CDC20B: variants seen among roughly 807,000 people sequenced by gnomAD.
CDC20B encodes cell division cycle 20B.
In CDC20B, 58 loss-of-function variants were observed where a neutral mutation model predicts 64.1. The observed-to-expected ratio is 0.90, with a 90% CI of 0.73 to 1.13. The LOEUF (loss-of-function observed/expected upper bound fraction) is 1.13. Among genes scored for constraint, CDC20B ranks in the 50% most tolerant of loss-of-function variants. CDC20B has a pLI of 0.00. For synonymous variants in CDC20B, 243 were observed against 230.6 expected (o/e 1.05, Z -0.49); for missense variants, 597 against 633.0 (o/e 0.94, Z 0.61).
chr5:55,143,205 A>G (rs1743377084), intron 4 of CDC20B, among the ~76,000 whole-genome samples: 1 of 152,214 alleles, frequency 6.6e-6, no homozygotes, highest in Non-Finnish European at 1.5e-5. Flanking sequence ...GCTAAGAGGA[A>G]GCATACCGTA....
intron 9 of CDC20B, among the ~76,000 whole-genome samples, chr5:55,121,596 T>C (rs1742757927): frequency 6.6e-6 from 1 of 152,212 alleles, no homozygotes; most frequent in South Asian, 2.1e-4. Flanking sequence ...CATGTCTTTT[T>C]TTCTGACAAA....
intron 8 of CDC20B, among the ~76,000 whole-genome samples, chr5:55,127,045 A>G (rs545373248): frequency 6.6e-6 from 1 of 152,218 alleles, no homozygotes; most frequent in African/African-American, 2.4e-5. Flanking sequence ...TCCCATGCAG[A>G]AGGCACACAT....
chr5:55,119,127 C>A (rs1001164178), intron 11 of CDC20B, among the ~76,000 whole-genome samples: 5 of 152,198 alleles, frequency 3.3e-5, no homozygotes, highest in Admixed American at 6.5e-5. Flanking sequence ...GATATATAAT[C>A]AGAGTTCTAC....
intron 2 of CDC20B, among the ~76,000 whole-genome samples, chr5:55,169,935 A>C (rs1486008706): frequency 2.0e-5 from 3 of 152,168 alleles, no homozygotes; most frequent in African/African-American, 4.8e-5. Flanking sequence ...AACACGGTGA[A>C]ACCCCGTCTC....
At chr5:55,159,234 C>G (rs1222283406) in intron 2 of CDC20B, among the ~76,000 whole-genome samples, 2 of 152,176 alleles carry the variant, frequency 1.3e-5, no homozygotes, top group Non-Finnish European at 2.9e-5. Flanking sequence ...CCAAGTTGGT[C>G]TTGAACTCAT....
At chr5:55,172,052 C>A (rs1744615542) in intron 2 of CDC20B, among the ~76,000 whole-genome samples, 1 of 152,194 alleles carries the variant, frequency 6.6e-6, no homozygotes, top group Admixed American at 6.5e-5. Flanking sequence ...CAGATGAAGG[C>A]TCTTTATGAA....
At chr5:55,120,679 T>C (rs1742736284) in intron 9 of CDC20B, 129 bp from the exon 10 acceptor site, 3 of 1,090,634 alleles carry the variant, frequency 2.8e-6, no homozygotes, top group South Asian at 2.7e-5. Context: ...GCCTGCTATC[T>C]AAAGGCAGGA....
rs193059017 is a variant in CDC20B at position 55,150,081 on chromosome 5, G to A, written c.127-3225C>T. ...CAGGAGGCAGAGGTTGCAGTGAGCC[G>A]AGATCGCACCATTGCACTCCAGCCT... is the stretch of plus-strand genomic sequence containing the variant. On this transcript the variant is annotated intron_variant, in intron 2 of 11. Transcript: ENST00000381375. 4.0e-3 allele frequency among the ~76,000 whole-genome samples: 612 copies of A among 152,162 alleles called. 4 individuals are homozygous for A. The highest frequency in any genetic ancestry group is 0.014 in the African/African-American group (574 of 41,502).
intron 6 of CDC20B, among the ~76,000 whole-genome samples, chr5:55,131,728 A>G (rs969968593): frequency 1.3e-5 from 2 of 152,232 alleles, no homozygotes; most frequent in Non-Finnish European, 2.9e-5. Flanking sequence ...AATTATAAGT[A>G]TAAAGATCTT....
chr5:55,156,631 T>C (rs1743816229), intron 2 of CDC20B, among the ~76,000 whole-genome samples: 1 of 152,008 alleles, frequency 6.6e-6, no homozygotes, highest in African/African-American at 2.4e-5. Context: ...ATCCCAGCAC[T>C]TTGTGAGGCC....
chr5:55,130,789 C>T (rs1743009641), intron 6 of CDC20B, among the ~76,000 whole-genome samples: 1 of 152,106 alleles, frequency 6.6e-6, no homozygotes, highest in Admixed American at 6.6e-5. Flanking sequence ...AATTTTAAAA[C>T]GTTTACAATT....
At chr5:55,150,109 G>A (rs556347440) in intron 2 of CDC20B, among the ~76,000 whole-genome samples, 5 of 152,168 alleles carry the variant, frequency 3.3e-5, no homozygotes, top group Non-Finnish European at 5.9e-5. Context: ...TCCAGCCTGG[G>A]CAACAAGAGT....
In CDC20B at chr5:55,124,865, C is replaced by G. The variant is rs753242954; in HGVS notation, c.1153G>C (p.Asp385His). 6.2e-7 allele frequency: 1 copy of G among 1,614,162 alleles called. No homozygotes were observed. The highest frequency in any genetic ancestry group is 1.1e-5 in the South Asian group (1 of 91,080). Residue 385 changes from aspartate (D) to histidine (H), a missense_variant, in exon 9 of 12, where the codon GAT (aspartate) becomes CAT (histidine). By Grantham distance (81) the Asp-to-His change is moderately conservative. Coordinates refer to ENST00000381375, the MANE Select transcript of CDC20B (RefSeq NM_001170402.1). Reference protein sequence around the residue: ...SDGLLTIWPHDPGASAQGQPL... With the variant: ...SDGLLTIWPHHPGASAQGQPL... ...TGGCCCTGTGCACTGGCACCTGGAT[C>G]GTGGGGCCATATTGTCAGCAGTCCA...
intron 5 of CDC20B, chr5:55,137,557 A>G (rs1364198003): frequency 4.4e-6 from 2 of 456,616 alleles, no homozygotes; most frequent in Admixed American, 2.3e-5. Context: ...TGCATAGAGT[A>G]TTCAGAGGGC....
At chr5:55,147,405 AAT>A (rs1248246788) in intron 2 of CDC20B, among the ~76,000 whole-genome samples, 1 of 139,732 alleles carries the variant, frequency 7.2e-6, no homozygotes. Flanking sequence ...TTATATATAA[AAT>A]ATGTTATATT....
In CDC20B at chr5:55,173,112, C is replaced by A; in HGVS notation, c.-112G>T. The A allele has an allele frequency of 1.1e-6, 1 of 870,934 alleles. No homozygotes were observed. The allele number at this position is 870,934 out of a possible 1,614,324, so 54.0% of individuals were successfully genotyped here. A position where few individuals can be genotyped will look rare whatever the true frequency, so the allele number is the denominator to read the frequency against. ...CCTAATCGTCAAACCCCTGGAGTCC[C>A]GTCCCCCAGGACCATTCTATTTCAC... is the stretch of plus-strand genomic sequence containing the variant. On this transcript the variant is annotated 5_prime_UTR_variant, in exon 1 of 12. Transcript: ENST00000381375.
rs4547887 is a variant in CDC20B, at chr5:55,137,637, C to T, written c.580+2677G>A. ...TTCTTCATGCTGCCACTAAAGTGATCTATGGGAAGGGGAGAGACATAGGTA... is the reference window on the plus strand; with the variant it reads ...TTCTTCATGCTGCCACTAAAGTGATTTATGGGAAGGGGAGAGACATAGGTA... On this transcript the variant is annotated intron_variant, in intron 5 of 11. Transcript: ENST00000381375. The T allele has an allele frequency of 9.2e-5, 42 of 456,694 alleles. No homozygotes were observed. In the East Asian group the frequency reaches 2.3e-3, roughly 25 times the overall value. The allele number at this position is 456,694 out of a possible 1,614,324, so 28.3% of individuals were successfully genotyped here. A position where few individuals can be genotyped will look rare whatever the true frequency, so the allele number is the denominator to read the frequency against.
intron 2 of CDC20B, chr5:55,163,929 G>T (rs1366185060): frequency 3.0e-6 from 2 of 661,798 alleles, no homozygotes; most frequent in South Asian, 4.2e-5. Flanking sequence ...TGGGTGTTTT[G>T]TTTTTTATAT....
chr5:55,122,574 T>A (rs1264961842), intron 9 of CDC20B, among the ~76,000 whole-genome samples: 1 of 152,242 alleles, frequency 6.6e-6, no homozygotes, highest in Non-Finnish European at 1.5e-5. Context: ...TACCTTTGAA[T>A]GTGGGACTTG....
Sources: gnomAD v4.1 joint callset for allele counts (sites outside exome capture counted in the v4.1 genomes callset) on GRCh38, gnomAD v4.1.1 for gene constraint, MANE v1.5 for transcripts, NCBI Gene and HGNC (gene_info 2026-07-23, HGNC 2026-07-21) for gene names.